Variants in DNER observed in about 807,000 individuals in gnomAD.
DNER encodes the protein delta/notch like EGF repeat containing, also known as delta and Notch-like epidermal growth factor-related receptor.
Under a neutral mutation model 78.2 loss-of-function variants are expected in DNER, and 33 were observed. That is an observed-to-expected ratio of 0.42 (90% CI 0.32 to 0.56). The LOEUF (loss-of-function observed/expected upper bound fraction) is 0.56. Among genes scored for constraint, DNER ranks in the 20% least tolerant of loss-of-function variants. The probability of loss-of-function intolerance (pLI) is 0.11; values close to 1 mark genes in which losing one functional copy is unlikely to be tolerated. For synonymous variants in DNER, 417 were observed against 384.8 expected (o/e 1.08, Z -0.98); for missense variants, 918 against 975.3 (o/e 0.94, Z 0.78).
At chr2:229,615,607 G>C (rs1574929353) in intron 1 of DNER, among the ~76,000 whole-genome samples, 1 of 152,114 alleles carries the variant, frequency 6.6e-6, no homozygotes, top group East Asian at 1.9e-4. Flanking sequence ...AGCTACTCGG[G>C]AGGCTGAGGC....
At chr2:229,581,234 A>G (rs375961750) in intron 4 of DNER, among the ~76,000 whole-genome samples, 1 of 152,230 alleles carries the variant, frequency 6.6e-6, no homozygotes, top group Non-Finnish European at 1.5e-5. Context: ...AGCAACAGCA[A>G]GTTTAAAGAT....
At chr2:229,366,114 C>T (rs1692341227) in intron 12 of DNER, among the ~76,000 whole-genome samples, 1 of 152,146 alleles carries the variant, frequency 6.6e-6, no homozygotes. Flanking sequence ...AGCAAGTCAC[C>T]ATGGCACAAG....
chr2:229,401,696 G>A (rs1693270602), intron 10 of DNER, among the ~76,000 whole-genome samples: 1 of 152,150 alleles, frequency 6.6e-6, no homozygotes, highest in Non-Finnish European at 1.5e-5. Flanking sequence ...AGGGTAACCA[G>A]TATCCTGGTT....
chr2:229,553,781 C>G (rs1354920001), intron 4 of DNER, among the ~76,000 whole-genome samples: 1 of 152,186 alleles, frequency 6.6e-6, no homozygotes. Context: ...GATAACAACT[C>G]TATTCATAAT....
chr2:229,389,974 A>C (rs986699994), intron 10 of DNER, among the ~76,000 whole-genome samples: 7 of 152,226 alleles, frequency 4.6e-5, no homozygotes, highest in Admixed American at 6.5e-5. Context: ...TAATGGGGCA[A>C]TCACTCTTAG....
intron 1 of DNER, among the ~76,000 whole-genome samples, chr2:229,679,032 G>A (rs1051825636): frequency 2.6e-5 from 4 of 152,054 alleles, no homozygotes; most frequent in African/African-American, 7.2e-5. Context: ...GAAAGATCCC[G>A]CTATATGTGA....
intron 12 of DNER, among the ~76,000 whole-genome samples, chr2:229,362,553 T>C (rs1692240786): frequency 6.6e-6 from 1 of 152,242 alleles, no homozygotes; most frequent in Non-Finnish European, 1.5e-5. Flanking sequence ...TCTCACAAAC[T>C]CTGTGACCCT....
chr2:229,640,925 G>A (rs1046047672), intron 1 of DNER, among the ~76,000 whole-genome samples: 6 of 152,208 alleles, frequency 3.9e-5, no homozygotes, highest in African/African-American at 1.4e-4. Flanking sequence ...GGGTGAGGGA[G>A]CTGAGAGTAT....
intron 7 of DNER, among the ~76,000 whole-genome samples, chr2:229,467,326 CATT>C: frequency 6.6e-6 from 1 of 152,280 alleles, no homozygotes; most frequent in African/African-American, 2.4e-5. Flanking sequence ...TGCCTTTTAT[CATT>C]ATGGTATCAG....
intron 1 of DNER, among the ~76,000 whole-genome samples, chr2:229,680,362 G>A (rs1222002485): frequency 6.6e-6 from 1 of 152,122 alleles, no homozygotes; most frequent in East Asian, 1.9e-4. Context: ...GCTCCCATTG[G>A]CCAACTCTTA....
At chr2:229,533,485 A>G (rs990549967) in intron 5 of DNER, among the ~76,000 whole-genome samples, 1 of 152,178 alleles carries the variant, frequency 6.6e-6, no homozygotes, top group Non-Finnish European at 1.5e-5. Context: ...AAAAATGTCA[A>G]TTTCACCTCG....
At chr2:229,678,289 A>C (rs79536465) in intron 1 of DNER, among the ~76,000 whole-genome samples, 1 of 152,090 alleles carries the variant, frequency 6.6e-6, no homozygotes, top group Admixed American at 6.6e-5. Context: ...TCCTTCCATC[A>C]CTTAGTGAAG....
At chr2:229,599,790 A>T (rs557545762) in intron 1 of DNER, among the ~76,000 whole-genome samples, 1 of 152,370 alleles carries the variant, frequency 6.6e-6, no homozygotes, top group South Asian at 2.1e-4. Context: ...AGGGCAAAGA[A>T]ATAAACAAGC....
chr2:229,439,391 T>C (rs1298750164), intron 8 of DNER, among the ~76,000 whole-genome samples: 1 of 152,220 alleles, frequency 6.6e-6, no homozygotes, highest in East Asian at 1.9e-4. Context: ...GAGGACCATC[T>C]GTATCATTTC....
intron 1 of DNER, among the ~76,000 whole-genome samples, chr2:229,669,172 T>C (rs533336434): frequency 6.6e-6 from 1 of 152,052 alleles, no homozygotes; most frequent in South Asian, 2.1e-4. Context: ...ACAATGAGAA[T>C]ACATGGACAC....
chr2:229,393,774 G>A (rs1420027282), intron 10 of DNER, among the ~76,000 whole-genome samples: 2 of 152,080 alleles, frequency 1.3e-5, no homozygotes, highest in Non-Finnish European at 2.9e-5. Flanking sequence ...GTGAACCTGG[G>A]AGTTGGAGCT....
At chr2:229,421,602 A>G (rs956843779) in intron 8 of DNER, among the ~76,000 whole-genome samples, 2 of 150,040 alleles carry the variant, frequency 1.3e-5, no homozygotes, top group Non-Finnish European at 3.0e-5. Context: ...AAAAATATAT[A>G]TAGTGGTAAA....
At chr2:229,398,905 G>A (rs755822420) in intron 10 of DNER, among the ~76,000 whole-genome samples, 26 of 151,898 alleles carry the variant, frequency 1.7e-4, no homozygotes, top group Non-Finnish European at 2.1e-4. Flanking sequence ...AGCAAACTAG[G>A]AATAGAGAGG....
At chr2:229,492,269 C>T (rs927451702) in intron 6 of DNER, among the ~76,000 whole-genome samples, 1 of 152,174 alleles carries the variant, frequency 6.6e-6, no homozygotes, top group African/African-American at 2.4e-5. Flanking sequence ...CACACAAGGT[C>T]ACACAACCAG....
Sources: allele counts gnomAD v4.1 joint callset (sites outside exome capture counted in the v4.1 genomes callset), GRCh38; gene constraint gnomAD v4.1.1; transcripts MANE v1.5; gene names NCBI Gene and HGNC (gene_info 2026-07-23, HGNC 2026-07-21).